Variants in CTNNA3 observed in about 807,000 individuals in gnomAD.
CTNNA3 encodes the protein catenin alpha-3.
A neutral mutation model predicts 95.7 loss-of-function variants in CTNNA3; 76 were observed. The observed-to-expected ratio is 0.79, with a 90% CI of 0.66 to 0.96. The LOEUF (loss-of-function observed/expected upper bound fraction) is 0.96. CTNNA3 is among the 40% of genes least tolerant of loss of function. The pLI is 0.00. For synonymous variants in CTNNA3, 431 were observed against 374.4 expected, an observed-to-expected ratio of 1.15 and a Z score of -1.74; for missense variants, 1,191 against 1,089.8, an observed-to-expected ratio of 1.09 and a Z score of -1.31.
chr10:67,524,970 A>G (rs1158742389), intron 4 of CTNNA3, among the ~76,000 whole-genome samples: 1 of 152,158 alleles, frequency 6.6e-6, no homozygotes, highest in African/African-American at 2.4e-5. Flanking sequence ...AGTACATGAT[A>G]ATTTTCTTAT....
intron 10 of CTNNA3, among the ~76,000 whole-genome samples, chr10:66,598,544 T>C (rs1326722101): frequency 6.6e-6 from 1 of 151,974 alleles, no homozygotes; most frequent in Non-Finnish European, 1.5e-5. Flanking sequence ...TTAGAACTAA[T>C]AGGCAAATTC....
chr10:67,470,884 G>A (rs1847791437), intron 5 of CTNNA3, among the ~76,000 whole-genome samples: 1 of 152,136 alleles, frequency 6.6e-6, no homozygotes, highest in Admixed American at 6.6e-5. Context: ...AGGATAAAGT[G>A]ATCCTCTCAC....
intron 5 of CTNNA3, among the ~76,000 whole-genome samples, chr10:67,447,486 C>T (rs1846798300): frequency 6.6e-6 from 1 of 152,160 alleles, no homozygotes; most frequent in Non-Finnish European, 1.5e-5. Context: ...AATACTACCA[C>T]TCTTCTCCTT....
chr10:66,192,500 G>A (rs1012126934), intron 13 of CTNNA3, among the ~76,000 whole-genome samples: 2 of 152,106 alleles, frequency 1.3e-5, no homozygotes, highest in African/African-American at 4.8e-5. Context: ...GTTCATAATG[G>A]TCTCAGAAGT....
intron 10 of CTNNA3, among the ~76,000 whole-genome samples, chr10:66,596,758 G>A (rs1843727452): frequency 1.3e-5 from 2 of 152,092 alleles, no homozygotes; most frequent in East Asian, 3.9e-4. Context: ...CCATCAAACA[G>A]CTTCAAGAAA....
intron 7 of CTNNA3, among the ~76,000 whole-genome samples, chr10:66,973,401 A>C (rs1292954556): frequency 1.3e-5 from 2 of 152,216 alleles, no homozygotes; most frequent in East Asian, 3.9e-4. Context: ...AACAAATGAC[A>C]AGAACAATCT....
chr10:67,142,891 C>T (rs1589788717), intron 7 of CTNNA3, among the ~76,000 whole-genome samples: 1 of 152,108 alleles, frequency 6.6e-6, no homozygotes, highest in East Asian at 1.9e-4. Context: ...GAGATCGTGC[C>T]ACTGCACTCC....
chr10:66,217,848 G>A (rs972686862), intron 13 of CTNNA3, among the ~76,000 whole-genome samples: 9 of 152,162 alleles, frequency 5.9e-5, no homozygotes, highest in South Asian at 2.1e-4. Context: ...GAGGTCCAGC[G>A]AAACTCCACC....
intron 7 of CTNNA3, among the ~76,000 whole-genome samples, chr10:67,025,869 C>G (rs1853339638): frequency 6.6e-6 from 1 of 150,396 alleles, no homozygotes; most frequent in Non-Finnish European, 1.5e-5. Flanking sequence ...AAATGTCCAA[C>G]AATGATAGAC....
chr10:66,843,715 T>C (rs75941388), intron 7 of CTNNA3, among the ~76,000 whole-genome samples: 10,595 of 152,212 alleles, frequency 0.07, 387 homozygotes, highest in African/African-American at 0.099. Context: ...AATTACTTAC[T>C]AACAGAGAAG....
chr10:66,040,679 A>G (rs2079667978), intron 15 of CTNNA3, among the ~76,000 whole-genome samples: 1 of 152,110 alleles, frequency 6.6e-6, no homozygotes, highest in Non-Finnish European at 1.5e-5. Context: ...AAATGAGGAG[A>G]ACACATGGAC....
intron 3 of CTNNA3, among the ~76,000 whole-genome samples, chr10:67,558,417 A>G (rs951962602): frequency 6.6e-6 from 1 of 152,222 alleles, no homozygotes; most frequent in African/African-American, 2.4e-5. Context: ...TATCAATTCT[A>G]TTCTTCACTG....
At chr10:66,842,107 T>G (rs1488654703) in intron 7 of CTNNA3, among the ~76,000 whole-genome samples, 1 of 151,864 alleles carries the variant, frequency 6.6e-6, no homozygotes, top group Admixed American at 6.6e-5. Flanking sequence ...TTCGTTTTTC[T>G]TTTTTTCTTT....
chr10:67,058,358 G>A (rs1342829336), intron 7 of CTNNA3, among the ~76,000 whole-genome samples: 2 of 152,142 alleles, frequency 1.3e-5, no homozygotes, highest in Non-Finnish European at 2.9e-5. Flanking sequence ...TATTACATTG[G>A]TTTCAAGAGA....
chr10:67,726,813 TATAG>T (rs1230477240), intron 1 of CTNNA3, among the ~76,000 whole-genome samples: 1 of 112,576 alleles, frequency 8.9e-6, no homozygotes, highest in African/African-American at 3.7e-5. Flanking sequence ...CATCATATAT[TATAG>T]ATATCTATGT....
chr10:66,454,835 G>C lies in CTNNA3; in HGVS notation c.1531+65782C>G, dbSNP rs1329359551. On this transcript the variant is annotated intron_variant, in intron 11 of 17. Coordinates refer to ENST00000433211, the MANE Select transcript of CTNNA3 (RefSeq NM_013266.4). ...GAGAGGAGGGGGAGGAGGGGGAGGA[G>C]GGGAAGAAAGGGGGAAAAGGCGGAG... is the stretch of plus-strand genomic sequence containing the variant. 2.8e-5 allele frequency among the ~76,000 whole-genome samples: 4 copies of C among 143,540 alleles called. No homozygotes were observed. The South Asian group carries it at 9.5e-4, about 34-fold the overall frequency. The allele number at this position is 143,540 out of a possible 152,430, so 94.2% of individuals were successfully genotyped here. A position where few individuals can be genotyped will look rare whatever the true frequency, so the allele number is the denominator to read the frequency against.
rs150129848 is a variant in CTNNA3, at chr10:66,250,271, G to A, written c.1884+30199C>T. 9.2e-5 allele frequency among the ~76,000 whole-genome samples: 14 copies of A among 152,298 alleles called. No individual in the cohort carries two copies. The East Asian group carries it at 2.5e-3, about 27-fold the overall frequency. ...TAGAAGAATAGTTACCAGAAGCTGG[G>A]AAGGGTAGTTGGGGACTTAGGGGGA... On this transcript the variant is annotated intron_variant, in intron 13 of 17. Transcript: ENST00000433211.
At chr10:67,178,332 A>G (rs574529136) in intron 7 of CTNNA3, among the ~76,000 whole-genome samples, 30 of 152,282 alleles carry the variant, frequency 2.0e-4, no homozygotes, top group African/African-American at 6.7e-4. Context: ...CTCGTGACCT[A>G]TATGTCACGA....
intron 3 of CTNNA3, among the ~76,000 whole-genome samples, chr10:67,604,715 T>G (rs1843207659): frequency 6.6e-6 from 1 of 152,158 alleles, no homozygotes; most frequent in South Asian, 2.1e-4. Flanking sequence ...GAAAAGTTTT[T>G]AAAAGTTCAT....
Sources: allele counts gnomAD v4.1 joint callset (sites outside exome capture counted in the v4.1 genomes callset), GRCh38; gene constraint gnomAD v4.1.1; transcripts MANE v1.5; gene names NCBI Gene and HGNC (gene_info 2026-07-23, HGNC 2026-07-21).